The following LOC400499 variants were observed in gnomAD, a reference collection of about 807,000 sequenced individuals.
chr16:11,458,757 C>T, the LOC400499 span, among the ~76,000 whole-genome samples: 7 of 151,918 alleles, frequency 4.6e-5, no homozygotes, highest in East Asian at 1.9e-4. Flanking sequence ...TAAATATGGC[C>T]GGGTGTGGTG....
At chr16:11,513,850 A>G in the LOC400499 span, among the ~76,000 whole-genome samples, 1 of 152,202 alleles carries the variant, frequency 6.6e-6, no homozygotes, top group African/African-American at 2.4e-5. Flanking sequence ...AAATCCTTCC[A>G]AAGTCCCAGC....
chr16:11,435,887 G>T, the LOC400499 span: 2 of 399,268 alleles, frequency 5.0e-6, no homozygotes, highest in Non-Finnish European at 8.8e-6. Context: ...CACCTGCAGG[G>T]AGGCAGGGGA....
At chr16:11,515,648 T>G in the LOC400499 span, among the ~76,000 whole-genome samples, 3 of 133,060 alleles carry the variant, frequency 2.3e-5, no homozygotes, top group African/African-American at 2.9e-5. Context: ...AGAGAGGAGG[T>G]AAAGGAAGGA....
At chr16:11,381,995 T>C in the LOC400499 span, among the ~76,000 whole-genome samples, 34,534 of 151,426 alleles carry the variant, frequency 0.23, 4,813 homozygotes, top group African/African-American at 0.39. Context: ...CAGGCTGGAG[T>C]GCAGTGGCGC....
At chr16:11,398,741 C>A in the LOC400499 span, among the ~76,000 whole-genome samples, 1 of 151,800 alleles carries the variant, frequency 6.6e-6, no homozygotes, top group Admixed American at 6.6e-5. Flanking sequence ...CTCACTGCAA[C>A]CTCTACCTCC....
the LOC400499 span, among the ~76,000 whole-genome samples, chr16:11,428,020 C>T: frequency 2.5e-4 from 38 of 152,010 alleles, no homozygotes; most frequent in Non-Finnish European, 4.3e-4. Context: ...GGAAAGTCCA[C>T]GGTGCAAAGC....
At chr16:11,486,291 ATGGATGAATGGT>A in the LOC400499 span, among the ~76,000 whole-genome samples, 1 of 85,976 alleles carries the variant, frequency 1.2e-5, no homozygotes, top group Non-Finnish European at 2.2e-5. Context: ...GGATGGATGG[ATGGATGAATGGT>A]ACATGGGTAG....
the LOC400499 span, among the ~76,000 whole-genome samples, chr16:11,481,045 G>A: frequency 2.0e-5 from 3 of 152,322 alleles, no homozygotes; most frequent in South Asian, 2.1e-4. Context: ...ACTGAGCTAC[G>A]CTACAATGTG....
At chr16:11,386,513 TAAAG>T in the LOC400499 span, among the ~76,000 whole-genome samples, 2 of 152,202 alleles carry the variant, frequency 1.3e-5, no homozygotes, top group African/African-American at 4.8e-5. Context: ...CCCACACACA[TAAAG>T]CACTCCTTGC....
At chr16:11,405,607 C>T in the LOC400499 span, among the ~76,000 whole-genome samples, 5 of 152,252 alleles carry the variant, frequency 3.3e-5, no homozygotes, top group Non-Finnish European at 7.4e-5. Context: ...CTTGAGGGCA[C>T]TGCAGGGGGA....
the LOC400499 span, among the ~76,000 whole-genome samples, chr16:11,479,600 A>G: frequency 3.3e-5 from 5 of 152,226 alleles, no homozygotes; most frequent in African/African-American, 1.2e-4. Flanking sequence ...TCCAGCCTGG[A>G]CAACAGACAG....
the LOC400499 span, among the ~76,000 whole-genome samples, chr16:11,382,516 T>G: frequency 6.6e-6 from 1 of 152,170 alleles, no homozygotes; most frequent in Non-Finnish European, 1.5e-5. Context: ...TAGAACTGAA[T>G]TAGAGGGACA....
chr16:11,439,407 C>T, the LOC400499 span: 126 of 398,304 alleles, frequency 3.2e-4, no homozygotes, highest in South Asian at 3.3e-3. Flanking sequence ...CTTCTTTCTG[C>T]CCATCTCCCA....
At chr16:11,415,183 C>G in the LOC400499 span, among the ~76,000 whole-genome samples, 8 of 152,196 alleles carry the variant, frequency 5.3e-5, no homozygotes, top group African/African-American at 1.9e-4. Flanking sequence ...TTCCCATCAC[C>G]CCCTACAGAA....
chr16:11,452,924 C>T, the LOC400499 span, among the ~76,000 whole-genome samples: 3 of 152,328 alleles, frequency 2.0e-5, no homozygotes, highest in African/African-American at 2.4e-5. Flanking sequence ...TTAACTGGTC[C>T]GATGAGTTTT....
chr16:11,423,819 T>C, the LOC400499 span, among the ~76,000 whole-genome samples: 1 of 152,214 alleles, frequency 6.6e-6, no homozygotes, highest in African/African-American at 2.4e-5. Flanking sequence ...AGACAGGGCC[T>C]GGTGCAGGCT....
the LOC400499 span, among the ~76,000 whole-genome samples, chr16:11,377,317 C>T: frequency 2.6e-5 from 4 of 152,138 alleles, no homozygotes; most frequent in Admixed American, 6.6e-5. Context: ...TTACTGCCTC[C>T]GTTCCAATTT....
chr16:11,434,865 C>T, the LOC400499 span, among the ~76,000 whole-genome samples: 1 of 152,170 alleles, frequency 6.6e-6, no homozygotes, highest in East Asian at 1.9e-4. Flanking sequence ...CTGAGCACCC[C>T]ACCATAGTGG....
At chr16:11,390,221 G>T in the LOC400499 span, 1 of 1,232,540 alleles carries the variant, frequency 8.1e-7, no homozygotes, top group Non-Finnish European at 1.0e-6. Context: ...GGAGGGGACA[G>T]TGAGAGCTGG....
Sources: gnomAD v4.1 joint callset for allele counts (sites outside exome capture counted in the v4.1 genomes callset) on GRCh38, gnomAD v4.1.1 for gene constraint, MANE v1.5 for transcripts.